GDPD1: variants seen among roughly 807,000 people sequenced by gnomAD.
GDPD1 encodes lysophospholipase D GDPD1.
In GDPD1, 28 loss-of-function variants were observed where a neutral mutation model predicts 45.1. The ratio of observed to expected loss-of-function variants is 0.62; its 90% CI spans 0.46 to 0.85. GDPD1 has a LOEUF of 0.85. GDPD1 is among the 40% of genes least tolerant of loss of function. The pLI, the probability that GDPD1 is intolerant of heterozygous loss-of-function variation, is 0.00. For synonymous variants in GDPD1, 139 were observed against 131.4 expected, an observed-to-expected ratio of 1.06 and a Z score of -0.40; for missense variants, 256 against 364.8, an observed-to-expected ratio of 0.70 and a Z score of 2.43.
Position 59,247,061 on chromosome 17 carries a change from C to A in GDPD1, c.321+1512C>A, listed in dbSNP as rs117897022. ...GGGATTACAGGTGTGAGCCACCACG[C>A]CCAGCCTTTTCCATGCTTTAAAGAA... is the stretch of plus-strand genomic sequence containing the variant. On this transcript the variant is annotated intron_variant, in intron 3 of 9. Transcript: ENST00000284116. Among the ~76,000 whole-genome samples, 1,461 of 152,190 alleles carry A rather than the reference C, an allele frequency of 9.6e-3. 84 individuals are homozygous for A. In the East Asian group the frequency reaches 0.15, roughly 16 times the overall value.
chr17:59,258,065 T>C (rs1200895238), intron 6 of GDPD1, among the ~76,000 whole-genome samples: 1 of 152,084 alleles, frequency 6.6e-6, no homozygotes, highest in African/African-American at 2.4e-5. Context: ...TAGCTGGGAC[T>C]ACAGGCACAC....
chr17:59,240,443 A>C (rs921823457), intron 2 of GDPD1, among the ~76,000 whole-genome samples: 1 of 152,146 alleles, frequency 6.6e-6, no homozygotes, highest in African/African-American at 2.4e-5. Flanking sequence ...TTAAAAGTTT[A>C]TAAAGAAGTT....
At position 59,220,538 on chromosome 17, in the gene GDPD1, C is replaced by T. The variant is rs966414866; in HGVS notation, c.-72C>T. The T allele has an allele frequency of 4.6e-6, 7 of 1,532,358 alleles. No homozygotes were observed. Among genetic ancestry groups the T allele is most frequent in the Middle Eastern group, 2.1e-4 (1 of 4,862 alleles). The allele number at this position is 1,532,358 out of a possible 1,614,324, so 94.9% of individuals were successfully genotyped here. On this transcript the variant is annotated 5_prime_UTR_variant, in exon 1 of 10. Coordinates refer to ENST00000284116, the MANE Select transcript of GDPD1 (RefSeq NM_182569.4). ...GCCGACCTCGAGCAGCCGCCGCCGCCGCCGTCGTTGCTACTGCCGCAGCGG... is the reference window on the plus strand; with the variant it reads ...GCCGACCTCGAGCAGCCGCCGCCGCTGCCGTCGTTGCTACTGCCGCAGCGG...
At chr17:59,223,007 T>C (rs1347230699) in intron 1 of GDPD1, among the ~76,000 whole-genome samples, 1 of 152,212 alleles carries the variant, frequency 6.6e-6, no homozygotes, top group South Asian at 2.1e-4. Context: ...GAAATACTTG[T>C]CGATCTTTGA....
At chr17:59,255,831 G>GTATATATATA (rs369473417) in intron 4 of GDPD1, among the ~76,000 whole-genome samples, 1 of 62,988 alleles carries the variant, frequency 1.6e-5, no homozygotes, top group African/African-American at 9.7e-5. Context: ...ATATATACGC[G>GTATATATATA]TATATATATA....
At chr17:59,253,533 A>G (rs890876354) in intron 4 of GDPD1, among the ~76,000 whole-genome samples, 4 of 151,990 alleles carry the variant, frequency 2.6e-5, no homozygotes, top group Non-Finnish European at 5.9e-5. Context: ...TCACTATAGC[A>G]CTTTTTTTGC....
At chr17:59,246,747 A>G (rs1268899235) in intron 3 of GDPD1, among the ~76,000 whole-genome samples, 1 of 150,438 alleles carries the variant, frequency 6.6e-6, no homozygotes, top group Non-Finnish European at 1.5e-5. Context: ...CATTATAAGA[A>G]AAAAAGAAAA....
At position 59,255,798 on chromosome 17, in the gene GDPD1, T is replaced by C. The variant is rs1296644160; in HGVS notation, c.368-1324T>C. Among the ~76,000 whole-genome samples, 4 of 47,972 alleles carry C rather than the reference T, an allele frequency of 8.3e-5. 1 individual carries two copies. Among genetic ancestry groups the C allele is most frequent in the African/African-American group, 5.3e-4 (3 of 5,662 alleles). The allele number at this position is 47,972 out of a possible 152,430, so 31.5% of individuals were successfully genotyped here. On this transcript the variant is annotated intron_variant, in intron 4 of 9. Coordinates refer to ENST00000284116, the MANE Select transcript of GDPD1 (RefSeq NM_182569.4). ...ATATATATATATACGCGTATATATG[T>C]ATATATATATATACGCGTATATATA...
chr17:59,241,362 A>G (rs1171237408), intron 2 of GDPD1, among the ~76,000 whole-genome samples: 1 of 152,122 alleles, frequency 6.6e-6, no homozygotes, highest in Non-Finnish European at 1.5e-5. Flanking sequence ...TTGTCGCCCA[A>G]GCTGGAGTGC....
In GDPD1 at chr17:59,238,416, A is replaced by AT. The variant is rs112285979; in HGVS notation, c.185+3895dup. Among the ~76,000 whole-genome samples the AT allele has an allele frequency of 3.6e-4, 52 of 143,274 alleles. 1 individual carries two copies. The highest frequency in any genetic ancestry group is 1.4e-3 in the Admixed American group (20 of 14,188). The allele number at this position is 143,274 out of a possible 152,430, so 94.0% of individuals were successfully genotyped here. Reference sequence around the variant, plus strand: ...GAATATGGCTCTTCTATTATTTTTTATTTTTTTTTTTTTCCGAGACGGAGT... The same window carrying AT: ...GAATATGGCTCTTCTATTATTTTTTATTTTTTTTTTTTTTCCGAGACGGAGT... On this transcript the variant is annotated intron_variant, in intron 2 of 9. Transcript: ENST00000284116.
chr17:59,249,644 G>A (rs546092930), intron 4 of GDPD1, among the ~76,000 whole-genome samples: 44 of 152,152 alleles, frequency 2.9e-4, no homozygotes, highest in Non-Finnish European at 5.9e-4. Flanking sequence ...CAACTTGTTA[G>A]TTACTTCAGA....
chr17:59,254,496 C>G (rs1286830823), intron 4 of GDPD1, among the ~76,000 whole-genome samples: 2 of 152,072 alleles, frequency 1.3e-5, no homozygotes, highest in Non-Finnish European at 2.9e-5. Context: ...TGCTACTGCA[C>G]TCCAGCCTGG....
chr17:59,234,597 G>A, intron 2 of GDPD1, 63 bp downstream of exon 2: 1 of 1,039,936 alleles, frequency 9.6e-7, no homozygotes, highest in Non-Finnish European at 1.5e-6. Context: ...TTTCTTTAAA[G>A]TGATGATGAT....
chr17:59,267,885 G>T (rs780383225), intron 7 of GDPD1, among the ~76,000 whole-genome samples: 2 of 151,932 alleles, frequency 1.3e-5, no homozygotes, highest in Non-Finnish European at 2.9e-5. Flanking sequence ...GGTCAGGCTG[G>T]TCTCCAACTC....
chr17:59,243,533 C>T (rs1035511356), intron 2 of GDPD1, among the ~76,000 whole-genome samples: 8 of 151,338 alleles, frequency 5.3e-5, no homozygotes, highest in Non-Finnish European at 1.0e-4. Flanking sequence ...AAAAAGTGAG[C>T]GAACTGGGGC....
chr17:59,264,379 C>T (rs909776615), intron 6 of GDPD1, among the ~76,000 whole-genome samples: 1 of 152,018 alleles, frequency 6.6e-6, no homozygotes, highest in African/African-American at 2.4e-5. Context: ...CTGCAACCTC[C>T]ACCTCCCAGG....
chr17:59,258,757 A>C (rs1052442877), intron 6 of GDPD1, among the ~76,000 whole-genome samples: 15 of 152,162 alleles, frequency 9.9e-5, no homozygotes, highest in Non-Finnish European at 2.2e-4. Flanking sequence ...GTATTAAAGG[A>C]AAAAATACAG....
At chr17:59,230,837 G>A (rs1017088057) in intron 1 of GDPD1, among the ~76,000 whole-genome samples, 3 of 152,180 alleles carry the variant, frequency 2.0e-5, no homozygotes, top group Admixed American at 6.6e-5. Context: ...CTATAATCCT[G>A]ATGAAACAAC....
intron 2 of GDPD1, among the ~76,000 whole-genome samples, chr17:59,235,931 G>T (rs1195365716): frequency 6.6e-6 from 1 of 151,592 alleles, no homozygotes; most frequent in Non-Finnish European, 1.5e-5. Flanking sequence ...TGGCTAGCTA[G>T]CCATAACTAA....
Sources: gnomAD v4.1 joint callset for allele counts (sites outside exome capture counted in the v4.1 genomes callset) on GRCh38, gnomAD v4.1.1 for gene constraint, MANE v1.5 for transcripts, NCBI Gene and HGNC (gene_info 2026-07-23, HGNC 2026-07-21) for gene names.